The following DNHD1 variants were observed in gnomAD, a reference collection of about 807,000 sequenced individuals.
DNHD1 encodes the protein dynein heavy chain domain 1, also known as dynein heavy chain domain-containing protein 1.
Under a neutral mutation model 458.1 loss-of-function variants are expected in DNHD1, and 383 were observed. The ratio of observed to expected loss-of-function variants is 0.84; its 90% CI spans 0.77 to 0.91. The LOEUF (loss-of-function observed/expected upper bound fraction) is 0.91. Ranked by LOEUF, DNHD1 falls within the 40% of genes least tolerant of loss-of-function variation. The pLI, the probability that DNHD1 is intolerant of heterozygous loss-of-function variation, is 0.00. For missense variants in DNHD1, 5,336 were observed against 5,866.1 expected (o/e 0.91, Z 2.95); for synonymous variants, 2,203 against 2,376.9 (o/e 0.93, Z 2.13).
intron 7 of DNHD1, among the ~76,000 whole-genome samples, chr11:6,513,101 G>A (rs1852380269): frequency 6.6e-6 from 1 of 152,088 alleles, no homozygotes; most frequent in African/African-American, 2.4e-5. Flanking sequence ...AGCTGAATGA[G>A]GCAGGAGATG....
At position 6,548,182 on chromosome 11, in the gene DNHD1, G is replaced by T; in HGVS notation, c.6906-28G>T. On this transcript the variant is annotated intron_variant, in intron 22 of 42. Transcript: ENST00000254579. This position sits in a 1 kb window ranked among gnomAD's most constrained non-coding sequence, Gnocchi z 4.4. ...AATGGAAGTGTTGTAACTGTCTGAC[G>T]CTTTTGCCTGTGTGTCCATCTGAGC... is the stretch of plus-strand genomic sequence containing the variant. 4 of 1,549,860 alleles carry T rather than the reference G, an allele frequency of 2.6e-6. No individual in the cohort carries two copies. Among genetic ancestry groups the T allele is most frequent in the Non-Finnish European group, 3.5e-6 (4 of 1,145,454 alleles).
rs771506537 is a variant in DNHD1, at chr11:6,546,016, A to C, written c.5077A>C (p.Lys1693Gln). ...GTVLGPNGVG[K>Q]RAIVNSLAQA... The stretch of plus-strand genomic sequence containing the variant: ...CGTACTGGGTCCTAATGGTGTGGGC[A>C]AGAGAGCTATAGTGAACAGCCTGGC... Residue 1693 changes from lysine (K) to glutamine (Q), a missense_variant, in exon 21 of 43, where the codon AAG (lysine) becomes CAG (glutamine). Physicochemically the swap from Lys to Gln is moderately conservative, Grantham distance 53 (BLOSUM62 1). Around this residue, in one of 4 missense-constraint regions of DNHD1, gnomAD observed 3,932 missense variants for 4,365.6 expected, o/e 0.90. Transcript: ENST00000254579. 9 of 1,551,680 alleles carry C rather than the reference A, an allele frequency of 5.8e-6. No homozygotes were observed. Among genetic ancestry groups the C allele is most frequent in the Non-Finnish European group, 7.8e-6 (9 of 1,146,946 alleles).
intron 7 of DNHD1, among the ~76,000 whole-genome samples, chr11:6,512,211 C>CTTTCTTT (rs1185966042): frequency 4.4e-5 from 4 of 91,628 alleles, no homozygotes; most frequent in African/African-American, 1.9e-4. Context: ...CTTTTTCTTT[C>CTTTCTTT]TTTTTTTTTT....
At position 6,557,289 on chromosome 11, in the gene DNHD1, G is replaced by T; in HGVS notation, c.7994G>T (p.Arg2665Leu). ...FCDRLDSPRERSYCAKLLLVV... is the reference protein window; with the variant it reads ...FCDRLDSPRELSYCAKLLLVV... ...GACCGGCTGGACAGCCCCAGGGAACGCTCCTACTGTGCCAAGCTGCTCCTA... is the reference window on the plus strand; with the variant it reads ...GACCGGCTGGACAGCCCCAGGGAACTCTCCTACTGTGCCAAGCTGCTCCTA... Residue 2665 changes from arginine (R) to leucine (L), a missense_variant, in exon 25 of 43, where the codon CGC (arginine) becomes CTC (leucine). By Grantham distance (102) the Arg-to-Leu change is moderately radical. This residue lies in a region of DNHD1 where 3,932 missense variants were observed against 4,365.6 expected (regional missense o/e 0.90). Transcript: ENST00000254579. 2 of 1,551,520 alleles carry T rather than the reference G, an allele frequency of 1.3e-6. No individual in the cohort carries two copies. The highest frequency in any genetic ancestry group is 1.2e-5 in the South Asian group (1 of 84,060).
chr11:6,517,521 C>T (rs1363617320), intron 7 of DNHD1, among the ~76,000 whole-genome samples: 1 of 151,876 alleles, frequency 6.6e-6, no homozygotes, highest in Non-Finnish European at 1.5e-5. Flanking sequence ...TACATATATA[C>T]AATGAAATAT....
At chr11:6,558,865 A>G in intron 26 of DNHD1, 37 bp from the exon 27 acceptor site, 4 of 1,548,038 alleles carry the variant, frequency 2.6e-6, no homozygotes, top group Non-Finnish European at 3.5e-6. Flanking sequence ...TTTTCCTACA[A>G]GCTCACAGAG....
At chr11:6,519,072 G>T (rs972304633) in intron 7 of DNHD1, among the ~76,000 whole-genome samples, 1 of 152,138 alleles carries the variant, frequency 6.6e-6, no homozygotes, top group Non-Finnish European at 1.5e-5. Flanking sequence ...AGATCTGAAA[G>T]AACTCACAAA....
intron 10 of DNHD1, 95 bp from the exon 11 acceptor site, chr11:6,528,427 G>GTGTA (rs1392576187): frequency 7.6e-7 from 1 of 1,310,380 alleles, no homozygotes; most frequent in Non-Finnish European, 1.0e-6. Context: ...GTGTGTGTGT[G>GTGTA]TGTGTGTGTA....
At position 6,558,136 on chromosome 11, in the gene DNHD1, T is replaced by C. The variant is rs1447767021; in HGVS notation, c.8841T>C (p.Ser2947=). 6 of 1,551,704 alleles carry C rather than the reference T, an allele frequency of 3.9e-6. No homozygotes were observed. The highest frequency in any genetic ancestry group is 2.0e-5 in the Admixed American group (1 of 51,008). The change falls in exon 25 of 43, where the codon AGT becomes AGC. Residue 2947 remains serine (S), a synonymous_variant. Transcript: ENST00000254579. ...LSQPVALLVP[S]GVDLTTLHRL... ...AGCCAGTGGCTCTGTTGGTACCCAG[T>C]GGTGTGGATCTCACTACACTTCATC...
At chr11:6,521,143 C>G (rs1852597358) in intron 10 of DNHD1, among the ~76,000 whole-genome samples, 1 of 152,182 alleles carries the variant, frequency 6.6e-6, no homozygotes, top group African/African-American at 2.4e-5. Context: ...GTTTACTAGT[C>G]TGCAAAGTGG....
chr11:6,507,160 A>T (rs566451637), intron 4 of DNHD1, among the ~76,000 whole-genome samples: 1 of 152,290 alleles, frequency 6.6e-6, no homozygotes, highest in South Asian at 2.1e-4. Context: ...AGTCATCTTT[A>T]TGTCCCCATC....
At position 6,564,312 on chromosome 11, in the gene DNHD1, TG is replaced by T. The variant is rs142003834; in HGVS notation, c.10285-19del. ...CCTCCTCACTGGCCTACACAGCCTC[TG>T]GTCTTCCCTTCCACTCCAGAAGCTG... On this transcript the variant is annotated intron_variant, in intron 31 of 42. Coordinates refer to ENST00000254579, the MANE Select transcript of DNHD1 (RefSeq NM_144666.3). 0.017 allele frequency: 25,406 copies of T among 1,517,306 alleles called. 306 individuals are homozygous for T. Among genetic ancestry groups the T allele is most frequent in the African/African-American group, 0.036 (2,644 of 72,442 alleles). The allele number at this position is 1,517,306 out of a possible 1,614,324, so 94.0% of individuals were successfully genotyped here.
rs1853278936 is a variant in DNHD1 at position 6,548,932 on chromosome 11, T to C, written c.7386T>C (p.Ser2462=). ...TGGAGGACCTGCACCTAGCCACTTC[T>C]GGTGAGGAGCTGCGAAGAGGGAAGG... ...FLLEDLHLAT[S]DPEKSCQPVL... The change falls in exon 24 of 43, where the codon TCT becomes TCC. Residue 2462 remains serine, a splice_region_variant and synonymous_variant. Coordinates refer to ENST00000254579, the MANE Select transcript of DNHD1 (RefSeq NM_144666.3). This position sits in a 1 kb window ranked among gnomAD's most constrained non-coding sequence, Gnocchi z 4.4. 2.6e-6 allele frequency: 4 copies of C among 1,551,506 alleles called. No homozygotes were observed. The highest frequency in any genetic ancestry group is 3.5e-6 in the Non-Finnish European group (4 of 1,146,898).
chr11:6,534,058 G>A lies in DNHD1; in HGVS notation c.2883G>A (p.Met961Ile), dbSNP rs1479289396. 7 of 1,551,392 alleles carry A rather than the reference G, an allele frequency of 4.5e-6. No individual in the cohort carries two copies. Among genetic ancestry groups the A allele is most frequent in the Admixed American group, 3.9e-5 (2 of 50,968 alleles). The change falls in exon 14 of 43, where the codon ATG becomes ATA. Residue 961 changes from methionine (M) to isoleucine (I), a missense_variant. Physicochemically the swap from Met to Ile is conservative, Grantham distance 10 (BLOSUM62 1). Coordinates refer to ENST00000254579, the MANE Select transcript of DNHD1 (RefSeq NM_144666.3). ...LLAKALSGPFMDPTQDQRSTE... is the reference protein window; with the variant it reads ...LLAKALSGPFIDPTQDQRSTE... ...CGAAGGCCCTCTCCGGTCCCTTTAT[G>A]GACCCCACACAAGATCAGAGGAGTA...
At chr11:6,520,420 A>G in intron 10 of DNHD1, 131 bp downstream of exon 10, 1 of 1,521,276 alleles carries the variant, frequency 6.6e-7, no homozygotes, top group African/African-American at 1.4e-5. Flanking sequence ...GAGCAGCTCT[A>G]ACCTGGGTAC....
At position 6,571,294 on chromosome 11, in the gene DNHD1, G is replaced by C; in HGVS notation, c.13782G>C (p.Leu4594=). The change falls in exon 42 of 43, where the codon CTG becomes CTC. Residue 4594 remains leucine, a synonymous_variant. Transcript: ENST00000254579. This position sits in a 1 kb window ranked among gnomAD's most constrained non-coding sequence, Gnocchi z 5.0. ...SAFRHPRRLL[L]ALRGEAALDQ... ...TTCGCCACCCGCGCCGCCTGCTGCT[G>C]GCATTGCGTGGGGAAGCTGCCCTGG... 6.2e-7 allele frequency: 1 copy of C among 1,612,426 alleles called. No individual in the cohort carries two copies. Among genetic ancestry groups the C allele is most frequent in the Non-Finnish European group, 8.5e-7 (1 of 1,179,646 alleles).
At position 6,548,922 on chromosome 11, in the gene DNHD1, T is replaced by TA; in HGVS notation, c.7377dup (p.Ala2460SerfsTer4). ...CTCTTCTTGCTGGAGGACCTGCACC[T>TA]AGCCACTTCTGGTGAGGAGCTGCGA... On this transcript the variant is annotated frameshift_variant, in exon 24 of 43. Transcript: ENST00000254579. LOFTEE classifies it high-confidence loss of function. The surrounding 1 kb of genome is among the most constrained non-coding windows in gnomAD (Gnocchi z 4.4). 6.4e-7 allele frequency: 1 copy of TA among 1,551,668 alleles called. No homozygotes were observed. The highest frequency in any genetic ancestry group is 8.7e-7 in the Non-Finnish European group (1 of 1,146,974).
At chr11:6,528,056 T>A (rs1325583636) in intron 10 of DNHD1, among the ~76,000 whole-genome samples, 1 of 152,226 alleles carries the variant, frequency 6.6e-6, no homozygotes, top group East Asian at 1.9e-4. Flanking sequence ...CAAAAGACTT[T>A]GATTCAGAAT....
Position 6,547,603 on chromosome 11 carries a change from C to T in DNHD1, c.6664C>T (p.Arg2222Cys), listed in dbSNP as rs145678295. The change falls in exon 21 of 43, where the codon CGC (arginine) becomes TGC (cysteine). Residue 2222 changes from arginine (R) to cysteine (C), a missense_variant. Around this residue, in one of 4 missense-constraint regions of DNHD1, gnomAD observed 3,932 missense variants for 4,365.6 expected, o/e 0.90. Coordinates refer to ENST00000254579, the MANE Select transcript of DNHD1 (RefSeq NM_144666.3). ...TGTGGCAGAAGTTACCAGCATGGCACGCATCTTGCATAGTCTGCTTGACCT... is the reference window on the plus strand; with the variant it reads ...TGTGGCAGAAGTTACCAGCATGGCATGCATCTTGCATAGTCTGCTTGACCT... ...AGVAEVTSMA[R>C]ILHSLLDLHL... 1.4e-3 allele frequency: 2,132 copies of T among 1,546,754 alleles called. 20 individuals are homozygous for T. In the African/African-American group the frequency reaches 0.024, roughly 17 times the overall value.
Sources: allele counts gnomAD v4.1 joint callset (sites outside exome capture counted in the v4.1 genomes callset), GRCh38; gene constraint gnomAD v4.1.1; regional missense constraint gnomAD v4.1.1; non-coding constraint Gnocchi (gnomAD v3.1); transcripts MANE v1.5; gene names NCBI Gene and HGNC (gene_info 2026-07-23, HGNC 2026-07-21).